CAMK2G: variants seen among roughly 807,000 people sequenced by gnomAD.
CAMK2G encodes the protein calcium/calmodulin-dependent protein kinase type II subunit gamma.
A neutral mutation model predicts 88.7 loss-of-function variants in CAMK2G; 23 were observed. The ratio of observed to expected loss-of-function variants is 0.26; its 90% CI spans 0.19 to 0.37. CAMK2G has a LOEUF of 0.37. Among genes scored for constraint, CAMK2G ranks in the 10% least tolerant of loss-of-function variants. The probability of loss-of-function intolerance (pLI) is 1.00; values close to 1 mark genes in which losing one functional copy is unlikely to be tolerated. For missense variants in CAMK2G, 476 were observed against 780.8 expected (o/e 0.61, Z 4.65); for synonymous variants, 263 against 294.8 (o/e 0.89, Z 1.11).
In CAMK2G at chr10:73,853,218, T is replaced by G. The variant is rs1292868495; in HGVS notation, c.249A>C (p.Glu83Asp). The G allele has an allele frequency of 6.2e-7, 1 of 1,614,138 alleles. No homozygotes were observed. The highest frequency in any genetic ancestry group is 1.7e-5 in the Admixed American group (1 of 60,032). The change falls in exon 4 of 23, where the codon GAA becomes GAC. Residue 83 changes from glutamate to aspartate, a missense_variant. By Grantham distance (45) the Glu-to-Asp change is conservative. This residue lies in a region of CAMK2G where 164 missense variants were observed against 385.6 expected (regional missense o/e 0.43). Coordinates refer to ENST00000423381, the MANE Select transcript of CAMK2G (RefSeq NM_001367534.1). ...IVRLHDSISE[E>D]GFHYLVFDLV... The stretch of plus-strand genomic sequence containing the variant: ...GGTCAAACACGAGGTAGTGAAACCC[T>G]TCTTCAGAAATACTGTCATGGAGGC...
intron 13 of CAMK2G, among the ~76,000 whole-genome samples, chr10:73,838,169 C>T (rs1027570200): frequency 4.6e-5 from 7 of 152,186 alleles, no homozygotes; most frequent in African/African-American, 1.7e-4. Flanking sequence ...AGATTCTAGC[C>T]AGGCATAGGG....
intron 10 of CAMK2G, among the ~76,000 whole-genome samples, chr10:73,845,103 T>A (rs564705907): frequency 6.6e-6 from 1 of 152,304 alleles, no homozygotes; most frequent in Admixed American, 6.5e-5. Context: ...TCAACCAGCA[T>A]AGGAACAGGC....
intron 14 of CAMK2G, among the ~76,000 whole-genome samples, chr10:73,832,253 A>G (rs2092564761): frequency 2.0e-5 from 3 of 152,140 alleles, no homozygotes; most frequent in Admixed American, 6.6e-5. Context: ...TATACTGAAT[A>G]AATATCTACA....
chr10:73,874,231 GC>G (rs1283218210), intron 1 of CAMK2G, among the ~76,000 whole-genome samples, 165 bp downstream of exon 1: 1 of 147,030 alleles, frequency 6.8e-6, no homozygotes, highest in African/African-American at 2.5e-5. Flanking sequence ...GGGATGCGGG[GC>G]AGTGCGCGGG....
At chr10:73,859,412 T>G (rs2095262835) in intron 3 of CAMK2G, among the ~76,000 whole-genome samples, 1 of 152,264 alleles carries the variant, frequency 6.6e-6, no homozygotes, top group African/African-American at 2.4e-5. Flanking sequence ...TTTTAAATAT[T>G]GGCAAATAAT....
intron 14 of CAMK2G, among the ~76,000 whole-genome samples, chr10:73,828,632 T>C (rs1463999437): frequency 6.6e-6 from 1 of 152,264 alleles, no homozygotes; most frequent in Admixed American, 6.5e-5. Context: ...CTATGCTTTT[T>C]ACATAAAGAT....
Position 73,839,516 on chromosome 10 carries a change from C to CG in CAMK2G, c.1009+22dup. On this transcript the variant is annotated intron_variant, in intron 13 of 22. Coordinates refer to ENST00000423381, the MANE Select transcript of CAMK2G (RefSeq NM_001367534.1). The surrounding 1 kb of genome is among the most constrained non-coding windows in gnomAD (Gnocchi z 4.2). ...GTGGCAGGGGGCCGAGGCAGGCGGT[C>CG]GGGGAGGACTCATGCCACGTACCTT... 3 of 1,228,132 alleles carry CG rather than the reference C, an allele frequency of 2.4e-6. No homozygotes were observed. The highest frequency in any genetic ancestry group is 3.1e-6 in the Non-Finnish European group (3 of 982,374). 76.1% of individuals were successfully genotyped at this position (1,228,132 alleles called of 1,614,324 possible).
intron 4 of CAMK2G, 30 bp from the exon 5 acceptor site, chr10:73,852,349 G>A: frequency 1.3e-6 from 2 of 1,593,306 alleles, no homozygotes; most frequent in Non-Finnish European, 1.7e-6. Flanking sequence ...GAGGGTCAGA[G>A]GCAGAAAGGG....
chr10:73,864,857 G>C (rs572787726), intron 2 of CAMK2G, among the ~76,000 whole-genome samples: 1 of 152,238 alleles, frequency 6.6e-6, no homozygotes, highest in African/African-American at 2.4e-5. Flanking sequence ...TGTTAGCCAG[G>C]ATGGTCTCGA....
intron 21 of CAMK2G, chr10:73,816,371 C>A: frequency 1.0e-6 from 1 of 1,000,398 alleles, no homozygotes; most frequent in Non-Finnish European, 1.2e-6. Flanking sequence ...CCTGCAGACA[C>A]AGAGCTTAGT....
intron 2 of CAMK2G, among the ~76,000 whole-genome samples, chr10:73,861,795 A>C (rs2095390452): frequency 1.3e-5 from 2 of 152,206 alleles, no homozygotes; most frequent in African/African-American, 4.8e-5. Flanking sequence ...TGATGCTGAT[A>C]ATAAAGAGGT....
At chr10:73,819,018 A>G (rs371847861) in intron 19 of CAMK2G, 3 of 356,572 alleles carry the variant, frequency 8.4e-6, no homozygotes, top group Non-Finnish European at 1.7e-5. Flanking sequence ...CATTACAGAT[A>G]AGGAACCTGC....
intron 4 of CAMK2G, chr10:73,852,763 A>C (rs894322506): frequency 2.5e-5 from 6 of 237,060 alleles, no homozygotes; most frequent in Admixed American, 2.1e-4. Context: ...AGGAGGTAAG[A>C]GCCACTTTTA....
chr10:73,837,415 T>G, intron 14 of CAMK2G, 53 bp downstream of exon 14: 1 of 1,427,300 alleles, frequency 7.0e-7, no homozygotes. Context: ...AGAATTCCCA[T>G]AGTGACTGCG....
chr10:73,816,659 C>G, intron 21 of CAMK2G: 1 of 793,102 alleles, frequency 1.3e-6, no homozygotes, highest in South Asian at 1.6e-5. Flanking sequence ...TGGGGTTTCA[C>G]CGTGTTAGCC....
At position 73,813,789 on chromosome 10, in the gene CAMK2G, G is replaced by A. The variant is rs1208191721; in HGVS notation, c.*729C>T. The A allele has an allele frequency of 2.6e-5, 4 of 152,702 alleles. No homozygotes were observed. The highest frequency in any genetic ancestry group is 5.9e-5 in the Non-Finnish European group (4 of 68,106). The allele number at this position is 152,702 out of a possible 1,614,324, so 9.5% of individuals were successfully genotyped here. ...GAGTGAGTGCATGTCAGACTAACAC[G>A]AGGTTTCTCATCGGCTTCATGGCGG... is the stretch of plus-strand genomic sequence containing the variant. On this transcript the variant is annotated 3_prime_UTR_variant, in exon 23 of 23. Transcript: ENST00000423381.
intron 2 of CAMK2G, among the ~76,000 whole-genome samples, chr10:73,864,071 G>A (rs926728534): frequency 2.0e-5 from 3 of 152,278 alleles, no homozygotes; most frequent in South Asian, 2.1e-4. Context: ...GTGGCTGGGC[G>A]CGGTGGGTCA....
At chr10:73,858,116 G>A (rs1324176521) in intron 3 of CAMK2G, among the ~76,000 whole-genome samples, 1 of 152,156 alleles carries the variant, frequency 6.6e-6, no homozygotes, top group Non-Finnish European at 1.5e-5. Context: ...CTTCCAACAG[G>A]CTTTTAACTC....
At position 73,842,206 on chromosome 10, in the gene CAMK2G, G is replaced by T. The variant is rs536610807; in HGVS notation, c.909C>A (p.Ala303=). Residue 303 remains alanine, a synonymous_variant, in exon 12 of 23, where the codon GCC becomes GCA. Coordinates refer to ENST00000423381, the MANE Select transcript of CAMK2G (RefSeq NM_001367534.1). The surrounding 1 kb of genome is among the most constrained non-coding windows in gnomAD (Gnocchi z 4.6). ...KFNARRKLKG[A]ILTTMLVSRN... ...TGGAGACAAGCATGGTCGTGAGGAT[G>T]GCACCCTGGGGAAAGAGGAAGGTCC... 3.7e-6 allele frequency: 6 copies of T among 1,611,732 alleles called. No individual in the cohort carries two copies. In the South Asian group the frequency reaches 5.5e-5, roughly 15 times the overall value.
Sources: allele counts gnomAD v4.1 joint callset (sites outside exome capture counted in the v4.1 genomes callset), GRCh38; gene constraint gnomAD v4.1.1; regional missense constraint gnomAD v4.1.1; non-coding constraint Gnocchi (gnomAD v3.1); transcripts MANE v1.5; gene names NCBI Gene and HGNC (gene_info 2026-07-23, HGNC 2026-07-21).